NRF1: variants seen among roughly 807,000 people sequenced by gnomAD.
The protein encoded by NRF1 is alpha palindromic-binding protein.
NRF1 carries 5 observed loss-of-function variants against 58.5 expected under a neutral mutation model. The observed-to-expected ratio is 0.09, with a 90% CI of 0.04 to 0.18. NRF1 has a LOEUF of 0.18. Among genes scored for constraint, NRF1 ranks in the 10% least tolerant of loss-of-function variants. The pLI, the probability that NRF1 is intolerant of heterozygous loss-of-function variation, is 1.00. For synonymous variants in NRF1, 224 were observed against 246.7 expected (o/e 0.91, Z 0.86); for missense variants, 288 against 657.7 (o/e 0.44, Z 6.15).
At chr7:129,735,874 G>A (rs1348186202) in intron 10 of NRF1, among the ~76,000 whole-genome samples, 1 of 152,092 alleles carries the variant, frequency 6.6e-6, no homozygotes, top group East Asian at 1.9e-4. Context: ...CATGCGTGGT[G>A]GCAGGCACCT....
intron 9 of NRF1, among the ~76,000 whole-genome samples, chr7:129,720,187 G>A (rs181725183): frequency 2.6e-5 from 4 of 152,250 alleles, no homozygotes; most frequent in Admixed American, 2.6e-4. Context: ...TGAGTGTTAG[G>A]GGTTGGTGGA....
At chr7:129,671,024 A>G (rs1802036379) in intron 2 of NRF1, among the ~76,000 whole-genome samples, 1 of 152,210 alleles carries the variant, frequency 6.6e-6, no homozygotes, top group Non-Finnish European at 1.5e-5. Context: ...GGGTACAGGG[A>G]TAGAAGTAAA....
chr7:129,659,258 T>C (rs1801729295), intron 2 of NRF1, among the ~76,000 whole-genome samples: 2 of 152,050 alleles, frequency 1.3e-5, no homozygotes, highest in South Asian at 4.2e-4. Context: ...TTTGTGTTTT[T>C]AGTAGAGATG....
rs5887442 is a variant in NRF1, at chr7:129,736,631, C to CT, written c.1348+9278dup. Reference sequence around the variant, plus strand: ...TTGTATTTTTTTTTGGTATCTATAGCTTTTTTTTTTTTCTTTGCCTCCGCT... The same window carrying CT: ...TTGTATTTTTTTTTGGTATCTATAGCTTTTTTTTTTTTTCTTTGCCTCCGCT... On this transcript the variant is annotated intron_variant, in intron 10 of 10. Coordinates refer to ENST00000393232, the MANE Select transcript of NRF1 (RefSeq NM_005011.5). Among the ~76,000 whole-genome samples the CT allele has an allele frequency of 1.9e-4, 28 of 144,042 alleles. 1 individual carries two copies. The South Asian group carries it at 3.3e-3, about 17-fold the overall frequency. The allele number at this position is 144,042 out of a possible 152,430, so 94.5% of individuals were successfully genotyped here.
intron 5 of NRF1, among the ~76,000 whole-genome samples, chr7:129,708,727 C>T (rs1454603388): frequency 2.0e-5 from 3 of 152,060 alleles, no homozygotes; most frequent in African/African-American, 4.8e-5. Context: ...GAAAACACCC[C>T]GAGTTTGGCA....
chr7:129,753,665 T>G (rs138193205), intron 10 of NRF1, among the ~76,000 whole-genome samples: 1 of 152,338 alleles, frequency 6.6e-6, no homozygotes, highest in East Asian at 1.9e-4. Flanking sequence ...GTTATGTGCT[T>G]CTTCCTTTAA....
chr7:129,614,900 A>G (rs1280296749), intron 1 of NRF1, among the ~76,000 whole-genome samples: 1 of 152,208 alleles, frequency 6.6e-6, no homozygotes, highest in Non-Finnish European at 1.5e-5. Flanking sequence ...TGTAGGTTCA[A>G]CCAAATCTCT....
chr7:129,613,529 G>GT (rs947858202), intron 1 of NRF1, among the ~76,000 whole-genome samples: 11 of 150,702 alleles, frequency 7.3e-5, no homozygotes, highest in Admixed American at 2.0e-4. Flanking sequence ...GTGTCAAGGG[G>GT]TTTTTTTTTC....
At chr7:129,665,560 A>C (rs1370234711) in intron 2 of NRF1, among the ~76,000 whole-genome samples, 1 of 152,230 alleles carries the variant, frequency 6.6e-6, no homozygotes, top group Non-Finnish European at 1.5e-5. Flanking sequence ...AGTAATAAAA[A>C]CAATATCTCA....
chr7:129,744,247 G>A, intron 10 of NRF1: 1 of 1,547,642 alleles, frequency 6.5e-7, no homozygotes, highest in Non-Finnish European at 8.7e-7. Flanking sequence ...CATCTTTGGG[G>A]AAAGAAGGAA....
chr7:129,666,144 C>T (rs1323549031), intron 2 of NRF1, among the ~76,000 whole-genome samples: 1 of 152,078 alleles, frequency 6.6e-6, no homozygotes, highest in Admixed American at 6.6e-5. Context: ...CACCCACTGC[C>T]CAGCTTTGTC....
At chr7:129,629,000 G>A (rs1245283818) in intron 1 of NRF1, among the ~76,000 whole-genome samples, 1 of 152,180 alleles carries the variant, frequency 6.6e-6, no homozygotes, top group Non-Finnish European at 1.5e-5. Flanking sequence ...AGGCTTTTAA[G>A]TAATGGAAAA....
At chr7:129,667,888 C>T (rs1353395826) in intron 2 of NRF1, among the ~76,000 whole-genome samples, 2 of 151,964 alleles carry the variant, frequency 1.3e-5, no homozygotes, top group Non-Finnish European at 2.9e-5. Flanking sequence ...CCTGCCTCAG[C>T]CTCCCAAGTA....
chr7:129,663,441 C>G (rs1801836808), intron 2 of NRF1, among the ~76,000 whole-genome samples: 1 of 149,506 alleles, frequency 6.7e-6, no homozygotes, highest in Non-Finnish European at 1.5e-5. Flanking sequence ...AGGCGCTCCT[C>G]ACATCCCAGA....
At chr7:129,736,506 C>T (rs1390737776) in intron 10 of NRF1, among the ~76,000 whole-genome samples, 1 of 152,048 alleles carries the variant, frequency 6.6e-6, no homozygotes, top group Non-Finnish European at 1.5e-5. Flanking sequence ...ATCCGGCCTC[C>T]CAAAGTGCTG....
At chr7:129,752,889 G>A (rs571315728) in intron 10 of NRF1, among the ~76,000 whole-genome samples, 2 of 152,224 alleles carry the variant, frequency 1.3e-5, no homozygotes, top group African/African-American at 4.8e-5. Flanking sequence ...CTTGGAGGCT[G>A]GCCTCTCTCC....
intron 5 of NRF1, among the ~76,000 whole-genome samples, chr7:129,698,109 A>G (rs1047629744): frequency 6.6e-6 from 1 of 152,174 alleles, no homozygotes; most frequent in Non-Finnish European, 1.5e-5. Context: ...AAAATTGTAC[A>G]TAGCAATGTC....
intron 1 of NRF1, chr7:129,633,918 G>A (rs1192884451): frequency 2.7e-5 from 4 of 150,364 alleles, no homozygotes; most frequent in East Asian, 1.9e-4. Context: ...ATTATATAAC[G>A]GCAGGCTGTG....
At chr7:129,692,477 C>G (rs1198662097) in intron 5 of NRF1, among the ~76,000 whole-genome samples, 1 of 151,950 alleles carries the variant, frequency 6.6e-6, no homozygotes, top group Non-Finnish European at 1.5e-5. Flanking sequence ...CGTTTGAGCC[C>G]CAGAGGTTGA....
Sources: allele counts gnomAD v4.1 joint callset (sites outside exome capture counted in the v4.1 genomes callset), GRCh38; gene constraint gnomAD v4.1.1; transcripts MANE v1.5; gene names NCBI Gene and HGNC (gene_info 2026-07-23, HGNC 2026-07-21).